The following ARHGEF28 variants were observed in gnomAD, a reference collection of about 807,000 sequenced individuals.
The protein encoded by ARHGEF28 is 190 kDa guanine nucleotide exchange factor.
In ARHGEF28, 152 loss-of-function variants were observed where a neutral mutation model predicts 206.6. The ratio of observed to expected loss-of-function variants is 0.74; its 90% CI spans 0.64 to 0.84. The LOEUF (loss-of-function observed/expected upper bound fraction) is 0.84. Ranked by LOEUF, ARHGEF28 falls within the 40% of genes least tolerant of loss-of-function variation. The pLI is 0.00. For synonymous variants in ARHGEF28, 763 were observed against 776.4 expected (o/e 0.98, Z 0.29); for missense variants, 2,028 against 2,073.2 (o/e 0.98, Z 0.42).
At chr5:73,878,599 A>C in intron 22 of ARHGEF28, among the ~76,000 whole-genome samples, 1 of 147,796 alleles carries the variant, frequency 6.8e-6, no homozygotes, top group Non-Finnish European at 1.5e-5. Context: ...TTCCTTCAGG[A>C]GCTCTTTTAG....
At chr5:73,882,858 T>G (rs1761039814) in intron 23 of ARHGEF28, among the ~76,000 whole-genome samples, 1 of 152,150 alleles carries the variant, frequency 6.6e-6, no homozygotes, top group Non-Finnish European at 1.5e-5. Flanking sequence ...GGGAAGCTGT[T>G]TCATGCCAAG....
intron 1 of ARHGEF28, among the ~76,000 whole-genome samples, chr5:73,632,368 A>G (rs189492146): frequency 5.6e-4 from 86 of 152,320 alleles, no homozygotes; most frequent in Non-Finnish European, 9.0e-4. Flanking sequence ...ATTGAAAGAA[A>G]CCTAAAAGTT....
At chr5:73,745,183 G>A (rs764259877) in intron 2 of ARHGEF28, among the ~76,000 whole-genome samples, 4 of 152,058 alleles carry the variant, frequency 2.6e-5, no homozygotes, top group Non-Finnish European at 5.9e-5. Flanking sequence ...TTAACGAAGT[G>A]TAATTATATA....
chr5:73,839,963 A>T (rs60012580), intron 10 of ARHGEF28, among the ~76,000 whole-genome samples: 202 of 152,266 alleles, frequency 1.3e-3, no homozygotes, highest in African/African-American at 4.7e-3. Flanking sequence ...TATTTAAAAC[A>T]TTTCCCCCTC....
chr5:73,849,799 T>C (rs1339277250), intron 13 of ARHGEF28, among the ~76,000 whole-genome samples: 1 of 152,036 alleles, frequency 6.6e-6, no homozygotes, highest in Non-Finnish European at 1.5e-5. Flanking sequence ...CATTTTGAAA[T>C]GTAATTATTT....
intron 29 of ARHGEF28, among the ~76,000 whole-genome samples, chr5:73,897,552 C>G (rs1472690763): frequency 2.6e-5 from 4 of 152,166 alleles, no homozygotes; most frequent in Non-Finnish European, 5.9e-5. Flanking sequence ...TATATTTATA[C>G]TAACTGAATG....
intron 1 of ARHGEF28, among the ~76,000 whole-genome samples, chr5:73,632,913 A>T (rs1232465893): frequency 6.6e-6 from 1 of 151,958 alleles, no homozygotes; most frequent in Non-Finnish European, 1.5e-5. Flanking sequence ...CATTATGTTT[A>T]TTGTACATTT....
At chr5:73,867,440 G>A (rs72772556) in intron 18 of ARHGEF28, among the ~76,000 whole-genome samples, 5,647 of 152,294 alleles carry the variant, frequency 0.037, 177 homozygotes, top group Non-Finnish European at 0.053. Context: ...AGGCTCTCCA[G>A]CATCATTCCA....
intron 1 of ARHGEF28, among the ~76,000 whole-genome samples, chr5:73,658,833 G>A (rs1745397386): frequency 6.6e-6 from 1 of 152,020 alleles, no homozygotes; most frequent in Admixed American, 6.6e-5. Context: ...CCACATCTGG[G>A]GAATTTTGCA....
chr5:73,684,625 G>A (rs775235133), intron 1 of ARHGEF28, among the ~76,000 whole-genome samples: 1 of 152,134 alleles, frequency 6.6e-6, no homozygotes, highest in African/African-American at 2.4e-5. Context: ...GTAATTCTAC[G>A]TGTAATATTT....
At chr5:73,757,255 G>A (rs766419753) in intron 4 of ARHGEF28, among the ~76,000 whole-genome samples, 3 of 151,938 alleles carry the variant, frequency 2.0e-5, no homozygotes, top group Non-Finnish European at 4.4e-5. Flanking sequence ...TGTATTAGTG[G>A]CAGTGGCATC....
intron 2 of ARHGEF28, among the ~76,000 whole-genome samples, chr5:73,710,972 G>T (rs1228213860): frequency 6.6e-6 from 1 of 152,102 alleles, no homozygotes; most frequent in Non-Finnish European, 1.5e-5. Context: ...CCAAAGTGCT[G>T]GGATTATAGC....
chr5:73,795,530 T>C (rs1304273846), intron 9 of ARHGEF28, 139 bp downstream of exon 9: 2 of 719,800 alleles, frequency 2.8e-6, no homozygotes, highest in Non-Finnish European at 2.3e-6. Context: ...TCCAGATAAA[T>C]TTTATTTGTA....
chr5:73,817,434 A>G (rs1756290916), intron 9 of ARHGEF28, among the ~76,000 whole-genome samples: 1 of 152,196 alleles, frequency 6.6e-6, no homozygotes, highest in Non-Finnish European at 1.5e-5. Flanking sequence ...CTTTACATCT[A>G]TGATATCTGA....
intron 1 of ARHGEF28, among the ~76,000 whole-genome samples, chr5:73,635,552 G>A (rs574576184): frequency 7.2e-5 from 11 of 152,256 alleles, no homozygotes; most frequent in Middle Eastern, 6.8e-3. Flanking sequence ...GATTTCATTG[G>A]CTATTTATAA....
chr5:73,886,018 T>G lies in ARHGEF28; in HGVS notation c.3224T>G (p.Phe1075Cys). The G allele has an allele frequency of 6.2e-7, 1 of 1,613,938 alleles. No individual in the cohort carries two copies. Among genetic ancestry groups the G allele is most frequent in the Non-Finnish European group, 8.5e-7 (1 of 1,179,876 alleles). Residue 1075 changes from phenylalanine (F) to cysteine (C), a missense_variant, in exon 25 of 36, where the codon TTT (phenylalanine) becomes TGT (cysteine). Physicochemically the swap from Phe to Cys is radical, Grantham distance 205. Around this residue, in one of 3 missense-constraint regions of ARHGEF28, gnomAD observed 223 missense variants for 289.9 expected, o/e 0.77. Transcript: ENST00000513042. ...TYTKLKNGHV[F>C]RKQALMSEER... ...ACGAAGCTCAAAAATGGACATGTGT[T>G]TAGGAAGCAGGCACTGATGAGTGAA...
At chr5:73,859,595 A>G (rs954800230) in intron 16 of ARHGEF28, among the ~76,000 whole-genome samples, 1 of 152,088 alleles carries the variant, frequency 6.6e-6, no homozygotes, top group Non-Finnish European at 1.5e-5. Flanking sequence ...TTCCTTGAAA[A>G]CTTGATTTCT....
chr5:73,741,383 GTGTATATATATATATATATATATATA>G (rs1474882275), intron 2 of ARHGEF28, among the ~76,000 whole-genome samples: 455 of 18,166 alleles, frequency 0.025, 2 homozygotes, highest in East Asian at 0.07. Context: ...GTGTGTGTGT[GTGTATATATATATATATATATATATA>G]TATATATATA....
intron 1 of ARHGEF28, among the ~76,000 whole-genome samples, chr5:73,637,187 G>A (rs536475454): frequency 1.6e-4 from 24 of 152,122 alleles, no homozygotes; most frequent in Non-Finnish European, 3.1e-4. Flanking sequence ...CAGTGAGGCT[G>A]GGTGGAGAAT....
Sources: gnomAD v4.1 joint callset for allele counts (sites outside exome capture counted in the v4.1 genomes callset) on GRCh38, gnomAD v4.1.1 for gene constraint, gnomAD v4.1.1 regional missense constraint, MANE v1.5 for transcripts, NCBI Gene and HGNC (gene_info 2026-07-23, HGNC 2026-07-21) for gene names.